NUP93: variants seen among roughly 807,000 people sequenced by gnomAD.
The protein encoded by NUP93 is nuclear pore complex protein Nup93.
A neutral mutation model predicts 107.8 loss-of-function variants in NUP93; 55 were observed. That is an observed-to-expected ratio of 0.51 (90% CI 0.41 to 0.64). The LOEUF (loss-of-function observed/expected upper bound fraction) is 0.64. Among genes scored for constraint, NUP93 ranks in the 30% least tolerant of loss-of-function variants. The pLI is 0.00. For missense variants in NUP93, 937 were observed against 1,044.7 expected, an observed-to-expected ratio of 0.90 and a Z score of 1.42; for synonymous variants, 390 against 397.5, an observed-to-expected ratio of 0.98 and a Z score of 0.22.
chr16:56,818,000 C>A (rs1230870853), intron 5 of NUP93, among the ~76,000 whole-genome samples: 1 of 152,146 alleles, frequency 6.6e-6, no homozygotes, highest in Non-Finnish European at 1.5e-5. Context: ...ATTTTTATTG[C>A]ACTCTCCTCT....
Position 56,831,908 on chromosome 16 carries a change from T to A in NUP93, c.1152T>A (p.Asp384Glu), listed in dbSNP as rs1255165295. 2 of 1,613,984 alleles carry A rather than the reference T, an allele frequency of 1.2e-6. No individual in the cohort carries two copies. Among genetic ancestry groups the A allele is most frequent in the Non-Finnish European group, 8.5e-7 (1 of 1,179,984 alleles). The change falls in exon 11 of 22, where the codon GAT becomes GAA. Residue 384 changes from aspartate to glutamate, a missense_variant. Physicochemically the swap from Asp to Glu is conservative, Grantham distance 45. Coordinates refer to ENST00000308159, the MANE Select transcript of NUP93 (RefSeq NM_014669.5). The part of the protein sequence containing the change: ...HYRRALRNNT[D>E]PYKRAVYCII... ...GTAGGGCCCTCAGGAACAATACAGA[T>A]CCCTACAAGCGGGCCGTGTACTGTA...
At chr16:56,798,568 T>C (rs1962950150) in intron 4 of NUP93, 30 bp downstream of exon 4, 5 of 1,583,256 alleles carry the variant, frequency 3.2e-6, no homozygotes, top group Non-Finnish European at 3.5e-6. Flanking sequence ...TGTAGATGTA[T>C]ACAGATGAGG....
At position 56,848,569 on chromosome 16, in the gene NUP93, C is replaced by T. The variant is rs1964142321; in HGVS notation, c.*3960C>T. The stretch of plus-strand genomic sequence containing the variant: ...ACAGTTCCATAATATATTGGTATCC[C>T]TCACAGGGCAGGGACAGGAAGGAAA... On this transcript the variant is annotated 3_prime_UTR_variant, in exon 22 of 22. Transcript: ENST00000308159. 6.6e-6 allele frequency: 1 copy of T among 152,206 alleles called. No individual in the cohort carries two copies. Among genetic ancestry groups the T allele is most frequent in the Non-Finnish European group, 1.5e-5 (1 of 68,040 alleles). 9.4% of individuals were successfully genotyped at this position (152,206 alleles called of 1,614,324 possible). A position where few individuals can be genotyped will look rare whatever the true frequency, so the allele number is the denominator to read the frequency against.
At chr16:56,761,974 G>A (rs1334005988) in intron 3 of NUP93, among the ~76,000 whole-genome samples, 1 of 152,160 alleles carries the variant, frequency 6.6e-6, no homozygotes, top group Non-Finnish European at 1.5e-5. Flanking sequence ...GATGATACTA[G>A]TAGAATTTTT....
chr16:56,833,044 A>G (rs1440258054), intron 12 of NUP93, among the ~76,000 whole-genome samples, 171 bp from the exon 13 acceptor site: 1 of 152,174 alleles, frequency 6.6e-6, no homozygotes. Context: ...CACATTTCAC[A>G]TGGCAGTTTA....
At chr16:56,814,117 TATC>T (rs1963370572) in intron 5 of NUP93, among the ~76,000 whole-genome samples, 1 of 152,218 alleles carries the variant, frequency 6.6e-6, no homozygotes, top group African/African-American at 2.4e-5. Flanking sequence ...CCGTCTGCAG[TATC>T]ATCATATTTT....
At chr16:56,804,458 A>G (rs1401689926) in intron 4 of NUP93, among the ~76,000 whole-genome samples, 2 of 152,214 alleles carry the variant, frequency 1.3e-5, no homozygotes, top group East Asian at 3.8e-4. Flanking sequence ...CACTCACAAA[A>G]AGACAAATAC....
chr16:56,836,724 T>C lies in NUP93; in HGVS notation c.1899+7T>C. 1 of 1,568,714 alleles carries C rather than the reference T, an allele frequency of 6.4e-7. No homozygotes were observed. ...GCTGTATGACCTTGCCAAGGTAAAG[T>C]GTGCCCACTTCCTTCTTTTGCACTT... On this transcript the variant is annotated splice_region_variant and intron_variant, in intron 17 of 21. Transcript: ENST00000308159.
intron 2 of NUP93, among the ~76,000 whole-genome samples, chr16:56,750,601 C>T (rs929777824): frequency 1.8e-4 from 27 of 152,100 alleles, no homozygotes; most frequent in African/African-American, 5.8e-4. Flanking sequence ...GAAGAGTATG[C>T]TTAACATATA....
intron 8 of NUP93, among the ~76,000 whole-genome samples, chr16:56,826,544 G>T (rs1263907907): frequency 6.7e-6 from 1 of 149,358 alleles, no homozygotes; most frequent in Non-Finnish European, 1.5e-5. Context: ...AACTTCCAAT[G>T]ATGGGGAACT....
chr16:56,772,190 C>T (rs1254477990), intron 3 of NUP93, among the ~76,000 whole-genome samples: 12 of 152,088 alleles, frequency 7.9e-5, no homozygotes, highest in African/African-American at 2.9e-4. Flanking sequence ...GTATTGAGGG[C>T]AGAAAAAGGA....
intron 3 of NUP93, among the ~76,000 whole-genome samples, chr16:56,777,679 AACTTCC>A (rs1324145628): frequency 6.6e-6 from 1 of 152,204 alleles, no homozygotes; most frequent in Non-Finnish European, 1.5e-5. Context: ...ATTTTCCCCG[AACTTCC>A]GTGGCTGTAG....
Position 56,802,961 on chromosome 16 carries a change from T to C in NUP93, c.361-2543T>C, listed in dbSNP as rs183811427. Among the ~76,000 whole-genome samples the C allele has an allele frequency of 2.9e-3, 437 of 152,154 alleles. 1 individual carries two copies. The highest frequency in any genetic ancestry group is 9.3e-3 in the African/African-American group (384 of 41,504). On this transcript the variant is annotated intron_variant, in intron 4 of 21. Transcript: ENST00000308159. The stretch of plus-strand genomic sequence containing the variant: ...TTTTTTGGTCATCTTCCTTCTTCCC[T>C]CTCCCACCCCCTCCCCAGACTTCCT...
intron 1 of NUP93, among the ~76,000 whole-genome samples, chr16:56,745,747 A>G (rs1031680892): frequency 3.9e-5 from 6 of 152,194 alleles, no homozygotes; most frequent in Admixed American, 1.3e-4. Flanking sequence ...GAAAAGTTAG[A>G]GCCCAGTTTT....
At chr16:56,783,816 G>A in intron 3 of NUP93, 3 of 985,386 alleles carry the variant, frequency 3.0e-6, no homozygotes, top group Non-Finnish European at 3.6e-6. Flanking sequence ...GTATAGAAGA[G>A]TTCTTTAGGA....
intron 3 of NUP93, among the ~76,000 whole-genome samples, chr16:56,762,340 A>G (rs1273281498): frequency 1.3e-5 from 2 of 152,246 alleles, no homozygotes; most frequent in Admixed American, 1.3e-4. Context: ...CTGTGCAGAA[A>G]TAGCCTGAAT....
At chr16:56,789,484 G>T (rs1199707450) in intron 3 of NUP93, among the ~76,000 whole-genome samples, 1 of 152,192 alleles carries the variant, frequency 6.6e-6, no homozygotes, top group Non-Finnish European at 1.5e-5. Flanking sequence ...AGATGGCCTG[G>T]TGCCCACACA....
At chr16:56,814,039 A>C (rs1963369000) in intron 5 of NUP93, among the ~76,000 whole-genome samples, 1 of 152,182 alleles carries the variant, frequency 6.6e-6, no homozygotes, top group Non-Finnish European at 1.5e-5. Flanking sequence ...ACTATTGTAA[A>C]TTAATCACCG....
intron 5 of NUP93, among the ~76,000 whole-genome samples, chr16:56,808,113 AT>A (rs1456109555): frequency 7.7e-6 from 1 of 130,606 alleles, no homozygotes; most frequent in Non-Finnish European, 1.6e-5. Flanking sequence ...ATATAAATAT[AT>A]ATTATATAAC....
Sources: allele counts gnomAD v4.1 joint callset (sites outside exome capture counted in the v4.1 genomes callset), GRCh38; gene constraint gnomAD v4.1.1; transcripts MANE v1.5; gene names NCBI Gene and HGNC (gene_info 2026-07-23, HGNC 2026-07-21).